The following DENND5A variants were observed in gnomAD, a reference collection of about 807,000 sequenced individuals.
DENND5A encodes DENN domain containing 5A.
Under a neutral mutation model 140.3 loss-of-function variants are expected in DENND5A, and 64 were observed. The ratio of observed to expected loss-of-function variants is 0.46; its 90% confidence interval spans 0.37 to 0.56. The LOEUF (loss-of-function observed/expected upper bound fraction) is 0.56. Among genes scored for constraint, DENND5A ranks in the 20% least tolerant of loss-of-function variants. The pLI is 0.00. For missense variants in DENND5A, 1,292 were observed against 1,593.8 expected (o/e 0.81, Z 3.22); for synonymous variants, 605 against 607.7 (o/e 1.00, Z 0.07).
intron 15 of DENND5A, 143 bp downstream of exon 15, chr11:9,149,938 A>T: frequency 1.7e-6 from 2 of 1,158,788 alleles, no homozygotes; most frequent in Non-Finnish European, 2.3e-6. Flanking sequence ...AGAAGAGGAA[A>T]TACTGCAAAA....
chr11:9,231,816 TTCTC>T (rs910557270), intron 1 of DENND5A, among the ~76,000 whole-genome samples: 2 of 151,754 alleles, frequency 1.3e-5, no homozygotes, highest in African/African-American at 2.4e-5. Context: ...TAGTAATAAA[TTCTC>T]TCTCTTTTTT....
chr11:9,185,410 T>C (rs1848876285), intron 5 of DENND5A, among the ~76,000 whole-genome samples: 1 of 152,222 alleles, frequency 6.6e-6, no homozygotes, highest in Non-Finnish European at 1.5e-5. Context: ...GATAAGCAAT[T>C]TTTCCAGCTC....
chr11:9,177,736 T>C (rs1322993612), intron 8 of DENND5A, among the ~76,000 whole-genome samples: 1 of 127,282 alleles, frequency 7.9e-6, no homozygotes, highest in Non-Finnish European at 1.7e-5. Flanking sequence ...AAAAAAAAAA[T>C]GAGGCAACAG....
chr11:9,150,850 C>T (rs1373231357), intron 13 of DENND5A, 86 bp from the exon 14 acceptor site: 15 of 747,996 alleles, frequency 2.0e-5, no homozygotes, highest in Non-Finnish European at 2.9e-5. Flanking sequence ...TCACAAATTG[C>T]TATGGGAAAC....
At chr11:9,226,803 G>A (rs946250570) in intron 1 of DENND5A, among the ~76,000 whole-genome samples, 2 of 152,090 alleles carry the variant, frequency 1.3e-5, no homozygotes, top group African/African-American at 2.4e-5. Context: ...ATTACTGAAT[G>A]TGCAAGACTC....
intron 1 of DENND5A, among the ~76,000 whole-genome samples, chr11:9,230,699 G>A (rs1850734881): frequency 2.6e-5 from 4 of 152,034 alleles, no homozygotes; most frequent in Admixed American, 2.6e-4. Flanking sequence ...AACATGAGGA[G>A]AACAATACCT....
intron 22 of DENND5A, 116 bp from the exon 23 acceptor site, chr11:9,139,970 C>G (rs1847182818): frequency 1.4e-5 from 16 of 1,115,174 alleles, no homozygotes; most frequent in Non-Finnish European, 1.9e-5. Context: ...GAGAAGCTGA[C>G]AGCCCCCCAC....
intron 1 of DENND5A, among the ~76,000 whole-genome samples, chr11:9,221,007 A>G (rs1850291093): frequency 6.6e-6 from 1 of 151,314 alleles, no homozygotes; most frequent in Non-Finnish European, 1.5e-5. Flanking sequence ...GCTTGAGCCC[A>G]GGAGGCAGAG....
intron 15 of DENND5A, among the ~76,000 whole-genome samples, chr11:9,148,607 G>C (rs534514407): frequency 6.6e-6 from 1 of 152,318 alleles, no homozygotes; most frequent in Admixed American, 6.5e-5. Flanking sequence ...ATAAAGCAAA[G>C]CAAGGAGTCA....
intron 1 of DENND5A, among the ~76,000 whole-genome samples, chr11:9,216,392 A>C (rs1850094588): frequency 6.6e-6 from 1 of 152,218 alleles, no homozygotes; most frequent in Admixed American, 6.5e-5. Context: ...AACCTTGCTA[A>C]AACAATGGAG....
intron 5 of DENND5A, among the ~76,000 whole-genome samples, chr11:9,184,248 A>G (rs1396463179): frequency 1.3e-5 from 2 of 149,678 alleles, no homozygotes; most frequent in African/African-American, 4.9e-5. Context: ...AGCTACTTGG[A>G]AGGCTGAGGC....
rs1554909101 is a variant in DENND5A, at chr11:9,142,022, G to A, written c.3598C>T (p.Arg1200Ter). The A allele has an allele frequency of 6.2e-7, 1 of 1,605,816 alleles. No individual in the cohort carries two copies. The highest frequency in any genetic ancestry group is 8.5e-7 in the Non-Finnish European group (1 of 1,176,360). The change falls in exon 22 of 23, where the codon CGA becomes TGA. Residue 1200 changes from arginine (R) to a stop codon, truncating the protein, a stop_gained. Transcript: ENST00000328194. LOFTEE classifies it high-confidence loss of function. ...GTATTGTTGATTGCAGTGACAAATC[G>A]GCAGAAGTTCCGGGCTCTTGTATGC... The part of the protein sequence containing the change: ...NWHTRARNFC[R>*]FVTAINNTPR...
chr11:9,201,615 A>G (rs1849526760), intron 4 of DENND5A, among the ~76,000 whole-genome samples: 1 of 152,190 alleles, frequency 6.6e-6, no homozygotes, highest in Non-Finnish European at 1.5e-5. Context: ...GGCTGCAGTG[A>G]GCCATGAAGG....
chr11:9,174,705 AAAC>A (rs774117839), intron 8 of DENND5A, among the ~76,000 whole-genome samples: 10 of 150,712 alleles, frequency 6.6e-5, no homozygotes, highest in Non-Finnish European at 1.0e-4. Context: ...ATCAACATTA[AAAC>A]AACAACAAAA....
chr11:9,242,311 G>T (rs1265391733), intron 1 of DENND5A: 2 of 152,288 alleles, frequency 1.3e-5, no homozygotes, highest in East Asian at 3.9e-4. Context: ...CTAACTTTGA[G>T]ATCTTCTAGA....
intron 5 of DENND5A, among the ~76,000 whole-genome samples, chr11:9,181,572 AC>A: frequency 6.6e-6 from 1 of 151,930 alleles, no homozygotes; most frequent in Non-Finnish European, 1.5e-5. Flanking sequence ...CCCAGTCTCT[AC>A]AAAAAAATGC....
At chr11:9,221,256 C>G (rs533724401) in intron 1 of DENND5A, among the ~76,000 whole-genome samples, 1 of 149,702 alleles carries the variant, frequency 6.7e-6, no homozygotes, top group African/African-American at 2.5e-5. Flanking sequence ...CATGGTGAAA[C>G]CCTGTCTCTA....
intron 1 of DENND5A, among the ~76,000 whole-genome samples, chr11:9,228,517 C>T (rs545005256): frequency 2.0e-5 from 3 of 152,142 alleles, no homozygotes; most frequent in South Asian, 4.2e-4. Context: ...GGGAGGCCAA[C>T]GCAGGTAGAT....
rs779522112 is a variant in DENND5A, at chr11:9,164,194, A to ATT, written c.2283+1640_2283+1641dup. 5.8e-4 allele frequency among the ~76,000 whole-genome samples: 46 copies of ATT among 79,062 alleles called. 1 individual carries two copies. The highest frequency in any genetic ancestry group is 1.8e-3 in the African/African-American group (37 of 20,646). 51.9% of individuals were successfully genotyped at this position (79,062 alleles called of 152,430 possible). On this transcript the variant is annotated intron_variant, in intron 11 of 22. Transcript: ENST00000328194. ...CTAAAGGTGTGCACCACCACGCCTA[A>ATT]TTTTTTTTTTTTTTTTTTTTTTTTT...
Sources: allele counts gnomAD v4.1 joint callset (sites outside exome capture counted in the v4.1 genomes callset), GRCh38; gene constraint gnomAD v4.1.1; transcripts MANE v1.5; gene names NCBI Gene and HGNC (gene_info 2026-07-23, HGNC 2026-07-21).